The following KRT79 variants were observed in gnomAD, a reference collection of about 807,000 sequenced individuals.
The protein encoded by KRT79 is keratin, type II cytoskeletal 79.
Under a neutral mutation model 49.0 loss-of-function variants are expected in KRT79, and 51 were observed. That is an observed-to-expected ratio of 1.04 (90% CI 0.83 to 1.31). KRT79 has a LOEUF of 1.31. KRT79 is among the 40% of genes most tolerant of loss of function. The pLI, the probability that KRT79 is intolerant of heterozygous loss-of-function variation, is 0.00. For synonymous variants in KRT79, 312 were observed against 286.6 expected (o/e 1.09, Z -0.90); for missense variants, 728 against 688.0 (o/e 1.06, Z -0.65).
chr12:52,833,635 C>A, intron 1 of KRT79, 149 bp downstream of exon 1: 1 of 730,580 alleles, frequency 1.4e-6, no homozygotes, highest in South Asian at 1.7e-5. Context: ...CACGTCTCGG[C>A]ATCCCAGGCT....
intron 4 of KRT79, among the ~76,000 whole-genome samples, chr12:52,826,559 G>C (rs369632957): frequency 6.6e-6 from 1 of 151,472 alleles, no homozygotes; most frequent in Non-Finnish European, 1.5e-5. Context: ...AAGGGAGCTC[G>C]TGAAATCAGA....
chr12:52,829,016 G>T (rs56360506), intron 4 of KRT79, among the ~76,000 whole-genome samples: 5,069 of 152,234 alleles, frequency 0.033, 86 homozygotes, highest in Non-Finnish European at 0.042. Context: ...GTTCAACAAT[G>T]GTAATGCCTG....
chr12:52,821,926 G>C lies in KRT79; in HGVS notation c.1554C>G (p.Gly518=), dbSNP rs766087182. 6.2e-7 allele frequency: 1 copy of C among 1,614,140 alleles called. No homozygotes were observed. Among genetic ancestry groups the C allele is most frequent in the Non-Finnish European group, 8.5e-7 (1 of 1,180,030 alleles). Residue 518 remains glycine, a synonymous_variant, in exon 9 of 9, where the codon GGC becomes GGG. Transcript: ENST00000330553. ...TAGTGGTCTTCCGCAGGATGGAGGT[G>C]CCCGCAGAGACTGGCCCTCCCTTGA... The part of the protein sequence containing the change: ...STVKGGPVSA[G]TSILRKTTTV...
chr12:52,824,615 A>G (rs747166949), intron 4 of KRT79, among the ~76,000 whole-genome samples: 41 of 152,198 alleles, frequency 2.7e-4, no homozygotes, highest in Non-Finnish European at 5.4e-4. Flanking sequence ...GAGGGTAAAG[A>G]GAATGTGTAC....
In KRT79 at chr12:52,821,888, G is replaced by T. The variant is rs770946783; in HGVS notation, c.1592C>A (p.Ser531Tyr). 1.2e-6 allele frequency: 2 copies of T among 1,614,058 alleles called. No homozygotes were observed. The highest frequency in any genetic ancestry group is 3.3e-5 in the Admixed American group (2 of 60,022). The change falls in exon 9 of 9, where the codon TCC becomes TAC. Residue 531 changes from serine to tyrosine, a missense_variant. Transcript: ENST00000330553. ...GCTCAGCAGCTAATACCTCTGGCTGGACGTCTTGACCGTAGTGGTCTTCCG... is the reference window on the plus strand; with the variant it reads ...GCTCAGCAGCTAATACCTCTGGCTGTACGTCTTGACCGTAGTGGTCTTCCG... ...ILRKTTTVKTSSQRY is the reference protein window; with the variant it reads ...ILRKTTTVKTYSQRY
At position 52,821,633 on chromosome 12, in the gene KRT79, A is replaced by G; in HGVS notation, c.*239T>C. 3.7e-6 allele frequency: 2 copies of G among 545,332 alleles called. No individual in the cohort carries two copies. Among genetic ancestry groups the G allele is most frequent in the Non-Finnish European group, 6.6e-6 (2 of 302,904 alleles). The allele number at this position is 545,332 out of a possible 1,614,324, so 33.8% of individuals were successfully genotyped here. ...GTGGTCAAAAGGTCACCCCCAAGTC[A>G]CCCAAGCACATCACTCAAGCTGGCA... is the stretch of plus-strand genomic sequence containing the variant. On this transcript the variant is annotated 3_prime_UTR_variant, in exon 9 of 9. Coordinates refer to ENST00000330553, the MANE Select transcript of KRT79 (RefSeq NM_175834.3).
rs543524641 is a variant in KRT79, at chr12:52,826,411, G to A, written c.856-2049C>T. ...GCCTGTAATCCCAGCTACTTGGGAG[G>A]CTGAGGTGGGAGGATCGCTTGAGCC... On this transcript the variant is annotated intron_variant, in intron 4 of 8. Transcript: ENST00000330553. 2.0e-5 allele frequency among the ~76,000 whole-genome samples: 3 copies of A among 152,004 alleles called. No individual in the cohort carries two copies. In the South Asian group the frequency reaches 6.3e-4, roughly 32 times the overall value.
Position 52,821,890 on chromosome 12 carries a change from C to T in KRT79, c.1590G>A (p.Thr530=), listed in dbSNP as rs776844557. The T allele has an allele frequency of 3.3e-5, 53 of 1,613,916 alleles. No homozygotes were observed. In the South Asian group the frequency reaches 4.6e-4, roughly 14 times the overall value. ...SILRKTTTVK[T]SSQRY ...TCAGCAGCTAATACCTCTGGCTGGA[C>T]GTCTTGACCGTAGTGGTCTTCCGCA... is the stretch of plus-strand genomic sequence containing the variant. The change falls in exon 9 of 9, where the codon ACG becomes ACA. Residue 530 remains threonine, a synonymous_variant. Coordinates refer to ENST00000330553, the MANE Select transcript of KRT79 (RefSeq NM_175834.3).
At chr12:52,826,995 C>G (rs1376370303) in intron 4 of KRT79, among the ~76,000 whole-genome samples, 1 of 152,220 alleles carries the variant, frequency 6.6e-6, no homozygotes, top group Non-Finnish European at 1.5e-5. Flanking sequence ...CCCTACCACT[C>G]TTTCCCTTGC....
intron 2 of KRT79, among the ~76,000 whole-genome samples, chr12:52,831,094 G>C (rs1408266043): frequency 1.3e-5 from 2 of 152,224 alleles, no homozygotes; most frequent in Admixed American, 1.3e-4. Flanking sequence ...GACTACACGG[G>C]AAGAAGGGAA....
chr12:52,824,443 CAGGT>C, intron 4 of KRT79, 81 bp from the exon 5 acceptor site: 1 of 1,406,718 alleles, frequency 7.1e-7, no homozygotes, highest in Non-Finnish European at 9.8e-7. Context: ...CATGGGCCCC[CAGGT>C]AGCATCAGGA....
In KRT79 at chr12:52,834,177, C is replaced by T. The variant is rs147649221; in HGVS notation, c.84G>A (p.Gln28=). Reference sequence around the variant, plus strand: ...TCACTGAGCTGAAGCTGGTGCGGGCCTGGGACCCACTCCCTCCGCTGGCAG... The same window carrying T: ...TCACTGAGCTGAAGCTGGTGCGGGCTTGGGACCCACTCCCTCCGCTGGCAG... ...SNSASGGSGS[Q]ARTSFSSVTV... Residue 28 remains glutamine (Q), a synonymous_variant, in exon 1 of 9, where the codon CAG becomes CAA. Coordinates refer to ENST00000330553, the MANE Select transcript of KRT79 (RefSeq NM_175834.3). 100 of 1,613,758 alleles carry T rather than the reference C, an allele frequency of 6.2e-5. No homozygotes were observed. The African/African-American group carries it at 1.2e-3, about 20-fold the overall frequency.
rs778759855 is a variant in KRT79 at position 52,824,270 on chromosome 12, G to A, written c.948C>T (p.Ala316=). ...TCAGCTCATACTGGGCCTTGACCTCGGCGATGATGCTGTCCAGGTCCAGGT... is the reference window on the plus strand; with the variant it reads ...TCAGCTCATACTGGGCCTTGACCTCAGCGATGATGCTGTCCAGGTCCAGGT... ...NRNLDLDSII[A]EVKAQYELIA... Residue 316 remains alanine (A), a synonymous_variant, in exon 5 of 9, where the codon GCC becomes GCT. Transcript: ENST00000330553. 45 of 1,614,092 alleles carry A rather than the reference G, an allele frequency of 2.8e-5. No homozygotes were observed. Among genetic ancestry groups the A allele is most frequent in the Middle Eastern group, 1.6e-4 (1 of 6,082 alleles).
intron 4 of KRT79, among the ~76,000 whole-genome samples, chr12:52,829,664 G>A (rs770099286): frequency 1.1e-4 from 16 of 152,194 alleles, no homozygotes; most frequent in Non-Finnish European, 2.1e-4. Flanking sequence ...ACTTTGGGAG[G>A]CCAAGGCGGG....
intron 6 of KRT79, among the ~76,000 whole-genome samples, chr12:52,823,442 C>T (rs747282855): frequency 3.3e-5 from 5 of 152,218 alleles, no homozygotes; most frequent in Non-Finnish European, 7.3e-5. Flanking sequence ...GAAGTCTAAC[C>T]TCAACCCCTC....
intron 2 of KRT79, 151 bp from the exon 3 acceptor site, chr12:52,830,443 A>C (rs1362748230): frequency 3.1e-6 from 2 of 634,968 alleles, no homozygotes; most frequent in Non-Finnish European, 5.6e-6. Context: ...CCAGTGAAGA[A>C]ACATGGGGTC....
chr12:52,833,917 T>C lies in KRT79; in HGVS notation c.344A>G (p.Gln115Arg), dbSNP rs1592320022. 1 of 1,613,868 alleles carries C rather than the reference T, an allele frequency of 6.2e-7. No homozygotes were observed. ...FGPACPPGGI[Q>R]EVTVNQSLLT... ...CAGGCTCTGGTTGACAGTGACCTCC[T>C]GGATCCCCCCAGGAGGACAAGCAGG... The change falls in exon 1 of 9, where the codon CAG (glutamine) becomes CGG (arginine). Residue 115 changes from glutamine (Q) to arginine (R), a missense_variant. By Grantham distance (43) the Gln-to-Arg change is conservative (BLOSUM62 1). Coordinates refer to ENST00000330553, the MANE Select transcript of KRT79 (RefSeq NM_175834.3).
intron 1 of KRT79, among the ~76,000 whole-genome samples, chr12:52,833,125 C>G (rs1940279256): frequency 6.6e-6 from 1 of 152,162 alleles, no homozygotes; most frequent in Non-Finnish European, 1.5e-5. Context: ...TCAGGGCATG[C>G]CTATGGGCAA....
chr12:52,830,994 T>G (rs1940245193), intron 2 of KRT79, among the ~76,000 whole-genome samples: 1 of 152,070 alleles, frequency 6.6e-6, no homozygotes, highest in East Asian at 1.9e-4. Context: ...TTGTAAAATA[T>G]TAGTGAATGA....
Sources: allele counts gnomAD v4.1 joint callset (sites outside exome capture counted in the v4.1 genomes callset), GRCh38; gene constraint gnomAD v4.1.1; transcripts MANE v1.5; gene names NCBI Gene and HGNC (gene_info 2026-07-23, HGNC 2026-07-21).